TMEM232: variants seen among roughly 807,000 people sequenced by gnomAD.
The protein encoded by TMEM232 is transmembrane protein 232.
A neutral mutation model predicts 78.8 loss-of-function variants in TMEM232; 80 were observed. That is an observed-to-expected ratio of 1.01 (90% CI 0.85 to 1.22). The LOEUF (loss-of-function observed/expected upper bound fraction) is 1.22. Among genes scored for constraint, TMEM232 ranks in the 50% most tolerant of loss-of-function variants. The pLI is 0.00. For missense variants in TMEM232, 881 were observed against 742.2 expected, an observed-to-expected ratio of 1.19 and a Z score of -2.17; for synonymous variants, 297 against 254.3, an observed-to-expected ratio of 1.17 and a Z score of -1.60.
intron 10 of TMEM232, among the ~76,000 whole-genome samples, chr5:110,596,223 A>T (rs1486682957): frequency 2.0e-5 from 3 of 152,224 alleles, no homozygotes; most frequent in African/African-American, 4.8e-5. Flanking sequence ...ACATCAGAGA[A>T]TACTACAAAC....
intron 5 of TMEM232, among the ~76,000 whole-genome samples, chr5:110,631,620 C>G (rs1046792902): frequency 2.0e-5 from 3 of 152,200 alleles, no homozygotes; most frequent in Non-Finnish European, 4.4e-5. Flanking sequence ...AGTGACCACA[C>G]TCCCACTGGC....
intron 12 of TMEM232, among the ~76,000 whole-genome samples, chr5:110,508,613 A>ATCTT (rs1197348872): frequency 2.0e-5 from 3 of 150,534 alleles, no homozygotes; most frequent in African/African-American, 7.3e-5. Context: ...TGCTTAGAGG[A>ATCTT]TCTTTTGAGT....
chr5:110,475,326 A>G (rs1763127095), intron 12 of TMEM232, among the ~76,000 whole-genome samples: 1 of 152,014 alleles, frequency 6.6e-6, no homozygotes, highest in Non-Finnish European at 1.5e-5. Context: ...TATTAGGAAG[A>G]AAACTTTTGA....
chr5:110,422,875 T>C (rs941286256), intron 13 of TMEM232, among the ~76,000 whole-genome samples: 5 of 152,158 alleles, frequency 3.3e-5, no homozygotes, highest in African/African-American at 1.2e-4. Flanking sequence ...TTATTGTCTA[T>C]TGTGGTAGCT....
intron 2 of TMEM232, among the ~76,000 whole-genome samples, chr5:110,400,567 C>T (rs1361324810): frequency 6.6e-6 from 1 of 151,976 alleles, no homozygotes; most frequent in Non-Finnish European, 1.5e-5. Flanking sequence ...TACACTGCTT[C>T]AGTGTCTCAG....
intron 8 of TMEM232, among the ~76,000 whole-genome samples, chr5:110,614,647 A>G (rs1782710539): frequency 6.6e-6 from 1 of 152,098 alleles, no homozygotes; most frequent in African/African-American, 2.4e-5. Flanking sequence ...GGTAATTATT[A>G]GAGTACTTTT....
At chr5:110,654,043 G>A (rs1289530230) in intron 2 of TMEM232, among the ~76,000 whole-genome samples, 4 of 152,184 alleles carry the variant, frequency 2.6e-5, no homozygotes, top group Non-Finnish European at 5.9e-5. Flanking sequence ...GTAAATATGA[G>A]AGGAGATTCA....
chr5:110,541,135 C>T (rs951887454), intron 11 of TMEM232, among the ~76,000 whole-genome samples: 2 of 152,084 alleles, frequency 1.3e-5, no homozygotes, highest in Non-Finnish European at 2.9e-5. Context: ...TTATAAAAAC[C>T]CTGCCTGACT....
chr5:110,693,997 T>C (rs1474733566), intron 1 of TMEM232, among the ~76,000 whole-genome samples: 2 of 151,718 alleles, frequency 1.3e-5, no homozygotes, highest in African/African-American at 4.8e-5. Flanking sequence ...CAAGACACAT[T>C]ATTGTCAGAT....
intron 11 of TMEM232, among the ~76,000 whole-genome samples, chr5:110,529,640 T>C (rs1771138762): frequency 6.6e-6 from 1 of 152,162 alleles, no homozygotes; most frequent in South Asian, 2.1e-4. Context: ...GATTTTGATT[T>C]TGATTAAATT....
chr5:110,704,082 C>T (rs1405644974), intron 1 of TMEM232, among the ~76,000 whole-genome samples: 1 of 152,036 alleles, frequency 6.6e-6, no homozygotes, highest in African/African-American at 2.4e-5. Flanking sequence ...CAAGGCTTAA[C>T]CAAACTTCTC....
chr5:110,445,117 T>G (rs1271814649), intron 12 of TMEM232, among the ~76,000 whole-genome samples: 1 of 151,834 alleles, frequency 6.6e-6, no homozygotes, highest in Non-Finnish European at 1.5e-5. Context: ...AATTTTAGAG[T>G]TTTTTTGGAC....
chr5:110,577,802 T>C (rs1581273783), intron 10 of TMEM232, among the ~76,000 whole-genome samples: 1 of 152,086 alleles, frequency 6.6e-6, no homozygotes, highest in East Asian at 1.9e-4. Flanking sequence ...TTCTTACTTA[T>C]AAGTGGGAGC....
At chr5:110,711,567 G>T (rs991771398) in intron 1 of TMEM232, among the ~76,000 whole-genome samples, 1 of 152,098 alleles carries the variant, frequency 6.6e-6, no homozygotes, top group Non-Finnish European at 1.5e-5. Context: ...AAACAGCATG[G>T]TATTGGCATA....
intron 1 of TMEM232, among the ~76,000 whole-genome samples, chr5:110,700,803 T>C (rs1477120367): frequency 6.6e-6 from 1 of 151,500 alleles, no homozygotes; most frequent in South Asian, 2.1e-4. Flanking sequence ...GATAGATAGA[T>C]AGATAGATAG....
In TMEM232 at chr5:110,605,317, A is replaced by G. The variant is rs1477348067; in HGVS notation, c.1068T>C (p.Asn356=). Residue 356 remains asparagine, a synonymous_variant, in exon 10 of 14, where the codon AAT becomes AAC. Coordinates refer to ENST00000455884, the MANE Select transcript of TMEM232 (RefSeq NM_001039763.4). The part of the protein sequence containing the change: ...CKVDDFSWAW[N]VVYIYTVILA... Reference sequence around the variant, plus strand: ...GAATTACTGTATATATGTAGACTACATTCCAGGCCCAGGAAAAATCATCTA... The same window carrying G: ...GAATTACTGTATATATGTAGACTACGTTCCAGGCCCAGGAAAAATCATCTA... 6.5e-7 allele frequency: 1 copy of G among 1,546,842 alleles called. No homozygotes were observed.
chr5:110,726,746 T>C (rs1398795185), upstream of TMEM232: 6 of 152,216 alleles, frequency 3.9e-5, no homozygotes, highest in Admixed American at 3.3e-4. Context: ...TCAGGACTTA[T>C]AAGTGAATTT....
At chr5:110,506,769 G>A (rs1275517684) in intron 12 of TMEM232, among the ~76,000 whole-genome samples, 1 of 152,150 alleles carries the variant, frequency 6.6e-6, no homozygotes, top group East Asian at 1.9e-4. Context: ...TGGATTAGAT[G>A]CATCTCTGAC....
rs61425796 is a variant in TMEM232, at chr5:110,454,912, T to TAA, written c.1704-29998_1704-29997dup. On this transcript the variant is annotated intron_variant, in intron 12 of 13. Transcript: ENST00000455884. ...CCAAATCCTTGTTCTTCGTAAAGATTAAAAAAAAAAAAGATAAACCTCTAG... is the reference window on the plus strand; with the variant it reads ...CCAAATCCTTGTTCTTCGTAAAGATTAAAAAAAAAAAAAAGATAAACCTCTAG... Among the ~76,000 whole-genome samples the TAA allele has an allele frequency of 9.0e-4, 131 of 145,050 alleles. 1 individual carries two copies. Among genetic ancestry groups the TAA allele is most frequent in the African/African-American group, 3.1e-3 (120 of 38,420 alleles).
Sources: allele counts gnomAD v4.1 joint callset (sites outside exome capture counted in the v4.1 genomes callset), GRCh38; gene constraint gnomAD v4.1.1; transcripts MANE v1.5; gene names NCBI Gene and HGNC (gene_info 2026-07-23, HGNC 2026-07-21).